The following PTER variants were observed in gnomAD, a reference collection of about 807,000 sequenced individuals.
The protein encoded by PTER is N-acetyltaurine hydrolase.
Under a neutral mutation model 29.6 loss-of-function variants are expected in PTER, and 38 were observed. The observed-to-expected ratio is 1.28, with a 90% CI of 0.99 to 1.68. PTER has a LOEUF of 1.68. Ranked by LOEUF, PTER falls within the 40% of genes most tolerant of loss-of-function variation. The pLI is 0.00. For synonymous variants in PTER, 172 were observed against 154.5 expected (o/e 1.11, Z -0.84); for missense variants, 482 against 427.8 (o/e 1.13, Z -1.12).
chr10:16,463,846 C>T (rs1834713492), intron 1 of PTER, among the ~76,000 whole-genome samples: 1 of 152,188 alleles, frequency 6.6e-6, no homozygotes. Flanking sequence ...CTTAAGGAAC[C>T]TATAGCAGTG....
chr10:16,484,762 G>C lies in PTER; in HGVS notation c.378G>C (p.Gly126=). 6.2e-7 allele frequency: 1 copy of C among 1,613,628 alleles called. No individual in the cohort carries two copies. Among genetic ancestry groups the C allele is most frequent in the Non-Finnish European group, 8.5e-7 (1 of 1,179,870 alleles). ...GCGTCCATATCATATCTGGAGCCGG[G>C]TTTTATGTGGATGCAACTCACTCCT... ...ETGVHIISGA[G]FYVDATHSSE... Residue 126 remains glycine (G), a synonymous_variant, in exon 2 of 5, where the codon GGG becomes GGC. Transcript: ENST00000535784.
At chr10:16,514,753 A>G (rs373308743), downstream of PTER, 263 of 1,489,826 alleles carry the variant, frequency 1.8e-4, 1 homozygote, top group African/African-American at 2.6e-3. Context: ...GAGAATTCTC[A>G]AGTTTTCTTT....
intron 1 of PTER, among the ~76,000 whole-genome samples, chr10:16,468,810 A>G (rs1834939368): frequency 6.6e-6 from 1 of 151,992 alleles, no homozygotes; most frequent in African/African-American, 2.4e-5. Flanking sequence ...CCCTTTCTCT[A>G]TAGAAAATAA....
chr10:16,437,974 C>G (rs549440799), intron 1 of PTER, among the ~76,000 whole-genome samples: 3 of 152,310 alleles, frequency 2.0e-5, no homozygotes, highest in South Asian at 2.1e-4. Context: ...TATTCTAGTT[C>G]TGGTTCCAGC....
chr10:16,459,607 C>G (rs1018031982), intron 1 of PTER, among the ~76,000 whole-genome samples: 2 of 152,130 alleles, frequency 1.3e-5, no homozygotes, highest in Admixed American at 1.3e-4. Context: ...CACAGCAGCT[C>G]GTATGTATTC....
At chr10:16,470,506 G>A (rs1321162807) in intron 1 of PTER, among the ~76,000 whole-genome samples, 1 of 152,192 alleles carries the variant, frequency 6.6e-6, no homozygotes, top group African/African-American at 2.4e-5. Context: ...GGTGGCTCAC[G>A]CCTGTAATCC....
At chr10:16,514,543 A>G, downstream of PTER, 4 of 1,613,600 alleles carry the variant, frequency 2.5e-6, no homozygotes, top group Non-Finnish European at 3.4e-6. Context: ...CAGCATAAAT[A>G]ATAAATCCAG....
chr10:16,489,984 T>C (rs1202361737), intron 3 of PTER, among the ~76,000 whole-genome samples: 1 of 152,170 alleles, frequency 6.6e-6, no homozygotes, highest in Non-Finnish European at 1.5e-5. Flanking sequence ...GAAAGATACA[T>C]ACAGATACCC....
At chr10:16,453,215 C>T (rs1834277560) in intron 1 of PTER, among the ~76,000 whole-genome samples, 1 of 152,078 alleles carries the variant, frequency 6.6e-6, no homozygotes, top group African/African-American at 2.4e-5. Context: ...TGCACCTGGC[C>T]AGGTTATTGA....
intron 1 of PTER, among the ~76,000 whole-genome samples, chr10:16,477,100 G>A (rs1475464761): frequency 6.6e-6 from 1 of 151,828 alleles, no homozygotes; most frequent in African/African-American, 2.4e-5. Flanking sequence ...GAGATGGGCT[G>A]GCCATATTGC....
At chr10:16,442,851 A>G (rs1407619004) in intron 1 of PTER, among the ~76,000 whole-genome samples, 2 of 152,126 alleles carry the variant, frequency 1.3e-5, no homozygotes, top group African/African-American at 4.8e-5. Flanking sequence ...ATACGTCTGT[A>G]AGTCCAGCTA....
intron 1 of PTER, among the ~76,000 whole-genome samples, chr10:16,458,137 C>A (rs1428295815): frequency 2.0e-5 from 3 of 151,960 alleles, no homozygotes; most frequent in African/African-American, 7.3e-5. Context: ...TGTGGAAAGA[C>A]CTTATATTCA....
intron 1 of PTER, among the ~76,000 whole-genome samples, chr10:16,453,511 G>A (rs554412522): frequency 2.6e-5 from 4 of 152,190 alleles, no homozygotes; most frequent in African/African-American, 4.8e-5. Context: ...GTATACTTGC[G>A]CCTCTATTCT....
chr10:16,495,015 A>G (rs920168163), intron 3 of PTER, among the ~76,000 whole-genome samples: 8 of 152,130 alleles, frequency 5.3e-5, no homozygotes, highest in African/African-American at 1.7e-4. Context: ...ATTTTAGGTT[A>G]TTAAGTCTAT....
intron 4 of PTER, among the ~76,000 whole-genome samples, chr10:16,508,077 T>TC (rs1424695986): frequency 6.7e-6 from 1 of 148,444 alleles, no homozygotes; most frequent in African/African-American, 2.5e-5. Flanking sequence ...TTTCTTTTTT[T>TC]TTTTTTTTTG....
intron 1 of PTER, among the ~76,000 whole-genome samples, chr10:16,442,476 A>G (rs1258359055): frequency 1.3e-5 from 2 of 152,174 alleles, no homozygotes; most frequent in Non-Finnish European, 2.9e-5. Context: ...AATTTGTTTA[A>G]AAGTGTTAGG....
At chr10:16,505,229 G>A (rs1296767680) in intron 4 of PTER, 69 bp downstream of exon 4, 3 of 1,550,166 alleles carry the variant, frequency 1.9e-6, no homozygotes, top group East Asian at 4.5e-5. Flanking sequence ...ATCTAGGGAA[G>A]TATTAGCAAA....
At chr10:16,451,524 C>T (rs1307137397) in intron 1 of PTER, among the ~76,000 whole-genome samples, 1 of 152,124 alleles carries the variant, frequency 6.6e-6, no homozygotes, top group Non-Finnish European at 1.5e-5. Flanking sequence ...GCCTGGCCAA[C>T]ATTACTAAAC....
chr10:16,492,487 A>T (rs917466416), intron 3 of PTER, among the ~76,000 whole-genome samples: 24 of 152,150 alleles, frequency 1.6e-4, no homozygotes, highest in Admixed American at 1.3e-3. Flanking sequence ...CCCCACATAT[A>T]TCCTTTTTGC....
Sources: allele counts gnomAD v4.1 joint callset (sites outside exome capture counted in the v4.1 genomes callset), GRCh38; gene constraint gnomAD v4.1.1; transcripts MANE v1.5; gene names NCBI Gene and HGNC (gene_info 2026-07-23, HGNC 2026-07-21).